Variants in ZNF140 observed in about 807,000 individuals in gnomAD.
ZNF140 encodes zinc finger protein 140.
In ZNF140, 13 loss-of-function variants were observed where a neutral mutation model predicts 12.9. The observed-to-expected ratio is 1.01, with a 90% CI of 0.66 to 1.60. The LOEUF is 1.60. Among genes scored for constraint, ZNF140 ranks in the 40% most tolerant of loss-of-function variants. The probability of loss-of-function intolerance (pLI) is 0.00; values close to 1 mark genes in which losing one functional copy is unlikely to be tolerated. For missense variants in ZNF140, 531 were observed against 548.8 expected, an observed-to-expected ratio of 0.97 and a Z score of 0.32; for synonymous variants, 214 against 186.7, an observed-to-expected ratio of 1.15 and a Z score of -1.19.
chr12:133,087,243 G>C (rs922578582), intron 4 of ZNF140, among the ~76,000 whole-genome samples: 2 of 152,110 alleles, frequency 1.3e-5, no homozygotes, highest in Admixed American at 1.3e-4. Context: ...CAGACATGAA[G>C]AAGACTGAGA....
At chr12:133,103,981 C>T (rs1236671117) in intron 4 of ZNF140, among the ~76,000 whole-genome samples, 2 of 152,158 alleles carry the variant, frequency 1.3e-5, no homozygotes, top group Non-Finnish European at 2.9e-5. Context: ...TGTATACCTA[C>T]CATATAGGTA....
At chr12:133,083,589 AT>A in intron 4 of ZNF140, 28 bp downstream of exon 4, 1 of 1,589,664 alleles carries the variant, frequency 6.3e-7, no homozygotes, top group Non-Finnish European at 8.6e-7. Flanking sequence ...TGATGGGGAA[AT>A]TTTTTAAAAC....
chr12:133,096,056 G>A lies in ZNF140; in HGVS notation c.233-9454G>A, dbSNP rs201395742. Among the ~76,000 whole-genome samples the A allele has an allele frequency of 5.8e-3, 875 of 150,378 alleles. 14 individuals are homozygous for A. Among genetic ancestry groups the A allele is most frequent in the Non-Finnish European group, 9.9e-3 (662 of 67,008 alleles). On this transcript the variant is annotated intron_variant, in intron 4 of 4. Transcript: ENST00000355557. Reference sequence around the variant, plus strand: ...TCAGCACAGACCCTTTATGGGTGTCGGGCTGGGGGATGGTCAGGTCTTTCT... The same window carrying A: ...TCAGCACAGACCCTTTATGGGTGTCAGGCTGGGGGATGGTCAGGTCTTTCT...
chr12:133,092,284 G>A (rs1954920312), intron 4 of ZNF140, among the ~76,000 whole-genome samples: 1 of 150,984 alleles, frequency 6.6e-6, no homozygotes, highest in South Asian at 2.1e-4. Flanking sequence ...GTCGGTCCAT[G>A]GACACAGGGA....
chr12:133,084,443 A>C (rs1954606900), intron 4 of ZNF140, among the ~76,000 whole-genome samples: 1 of 152,226 alleles, frequency 6.6e-6, no homozygotes, highest in South Asian at 2.1e-4. Context: ...TGTAATAACT[A>C]TCAAGGAATT....
chr12:133,091,134 G>A lies in ZNF140; in HGVS notation c.232+7573G>A, dbSNP rs1213151466. Among the ~76,000 whole-genome samples, 4 of 149,962 alleles carry A rather than the reference G, an allele frequency of 2.7e-5. No homozygotes were observed. In the East Asian group the frequency reaches 5.8e-4, roughly 22 times the overall value. On this transcript the variant is annotated intron_variant, in intron 4 of 4. Transcript: ENST00000355557. Reference sequence around the variant, plus strand: ...TTTACAGGTGTCGGGCTGGGGGACGGTCAGGTCTTTCTCATCCCACGAGGC... The same window carrying A: ...TTTACAGGTGTCGGGCTGGGGGACGATCAGGTCTTTCTCATCCCACGAGGC...
In ZNF140 at chr12:133,083,474, A is replaced by G. The variant is rs1272891122; in HGVS notation, c.145A>G (p.Ile49Val). ...TCATTTTCTGCAAGCAGGTCTTTCC[A>G]TTTCTAAGCCAGATGTGGTTTCCTT... ...YGHLVSLGLS[I>V]SKPDVVSLLE... The change falls in exon 4 of 5, where the codon ATT becomes GTT. Residue 49 changes from isoleucine (I) to valine (V), a missense_variant. Transcript: ENST00000355557. 24 of 1,611,570 alleles carry G rather than the reference A, an allele frequency of 1.5e-5. No individual in the cohort carries two copies. Among genetic ancestry groups the G allele is most frequent in the Non-Finnish European group, 2.0e-5 (24 of 1,179,284 alleles).
intron 4 of ZNF140, among the ~76,000 whole-genome samples, chr12:133,095,760 G>T (rs1448764207): frequency 1.3e-5 from 2 of 151,228 alleles, no homozygotes; most frequent in African/African-American, 4.9e-5. Context: ...TCATAATTAG[G>T]TTTAAGGGAA....
chr12:133,082,053 A>G (rs942260378), intron 2 of ZNF140: 1 of 152,648 alleles, frequency 6.6e-6, no homozygotes, highest in Admixed American at 6.5e-5. Context: ...CTCAGAGCTC[A>G]TTTTTCAGAC....
At chr12:133,105,064 T>C (rs1444057530) in intron 4 of ZNF140, among the ~76,000 whole-genome samples, 1 of 151,950 alleles carries the variant, frequency 6.6e-6, no homozygotes, top group Non-Finnish European at 1.5e-5. Flanking sequence ...AGAAACCGCT[T>C]TTTTTTTCAT....
Position 133,105,982 on chromosome 12 carries a change from C to G in ZNF140, c.705C>G (p.His235Gln). Residue 235 changes from histidine to glutamine, a missense_variant, in exon 5 of 5, where the codon CAC (histidine) becomes CAG (glutamine). Coordinates refer to ENST00000355557, the MANE Select transcript of ZNF140 (RefSeq NM_003440.4). The part of the protein sequence containing the change: ...TFSYLSFLIE[H>Q]QRTHTGEKPY... Reference sequence around the variant, plus strand: ...GTTACCTTTCATTTCTTATTGAACACCAGAGAACGCACACTGGGGAGAAAC... The same window carrying G: ...GTTACCTTTCATTTCTTATTGAACAGCAGAGAACGCACACTGGGGAGAAAC... 1.2e-6 allele frequency: 2 copies of G among 1,614,084 alleles called. No homozygotes were observed. Among genetic ancestry groups the G allele is most frequent in the South Asian group, 1.1e-5 (1 of 91,068 alleles).
intron 4 of ZNF140, among the ~76,000 whole-genome samples, chr12:133,104,798 A>C (rs1955523149): frequency 6.6e-6 from 1 of 152,118 alleles, no homozygotes; most frequent in African/African-American, 2.4e-5. Flanking sequence ...AAGACACTTT[A>C]TTTTTCTGTC....
At chr12:133,096,237 T>C (rs904266510) in intron 4 of ZNF140, among the ~76,000 whole-genome samples, 5 of 152,050 alleles carry the variant, frequency 3.3e-5, no homozygotes, top group African/African-American at 1.2e-4. Context: ...AGTATACTGC[T>C]TGTAAACATT....
chr12:133,101,644 T>C (rs1955354258), intron 4 of ZNF140, among the ~76,000 whole-genome samples: 1 of 152,124 alleles, frequency 6.6e-6, no homozygotes, highest in Non-Finnish European at 1.5e-5. Context: ...CGGGTTTCAC[T>C]GTGTTAGCCA....
At chr12:133,104,286 T>C (rs1018355977) in intron 4 of ZNF140, among the ~76,000 whole-genome samples, 66 of 152,318 alleles carry the variant, frequency 4.3e-4, no homozygotes, top group African/African-American at 1.4e-3. Flanking sequence ...ATAAGTTCTA[T>C]ATATTATGGC....
intron 4 of ZNF140, among the ~76,000 whole-genome samples, chr12:133,095,960 AG>A (rs550692267): frequency 0.011 from 1,696 of 150,884 alleles, 19 homozygotes; most frequent in Non-Finnish European, 0.017. Context: ...TTCAGTTCCC[AG>A]GGGCAGGCAG....
intron 4 of ZNF140, among the ~76,000 whole-genome samples, chr12:133,103,079 C>T (rs1593802435): frequency 1.3e-5 from 2 of 152,060 alleles, no homozygotes; most frequent in African/African-American, 4.8e-5. Flanking sequence ...TGTGATGTTT[C>T]AATACATGTA....
chr12:133,093,773 C>T (rs1273062306), intron 4 of ZNF140, among the ~76,000 whole-genome samples: 1 of 150,780 alleles, frequency 6.6e-6, no homozygotes, highest in Admixed American at 6.6e-5. Flanking sequence ...TACTTTTTGT[C>T]TCCCTTCTCT....
At chr12:133,083,869 A>T (rs986760686) in intron 4 of ZNF140, among the ~76,000 whole-genome samples, 8 of 151,838 alleles carry the variant, frequency 5.3e-5, no homozygotes, top group African/African-American at 9.7e-5. Context: ...CTGAGGCAGG[A>T]GCATGGCGTG....
Sources: gnomAD v4.1 joint callset for allele counts (sites outside exome capture counted in the v4.1 genomes callset) on GRCh38, gnomAD v4.1.1 for gene constraint, MANE v1.5 for transcripts, NCBI Gene and HGNC (gene_info 2026-07-23, HGNC 2026-07-21) for gene names.